The following RIMOC1 variants were observed in gnomAD, a reference collection of about 807,000 sequenced individuals.
The protein encoded by RIMOC1 is RAB7A-interacting MON1-CCZ1 complex subunit 1.
chr5:41,916,677 G>A, the RIMOC1 span, among the ~76,000 whole-genome samples: 1 of 152,122 alleles, frequency 6.6e-6, no homozygotes, highest in East Asian at 1.9e-4. Context: ...AGAATTTGGG[G>A]TGTATATTCT....
chr5:41,914,456 CAAACAAAACAAAACAAAACAAAACA>C, the RIMOC1 span, among the ~76,000 whole-genome samples: 2 of 146,488 alleles, frequency 1.4e-5, no homozygotes, highest in African/African-American at 2.5e-5. Context: ...GACTCTGTCT[CAAACAAAACAAAACAAAACAAAACA>C]AAACAAAACA....
chr5:41,908,686 G>C, the RIMOC1 span, among the ~76,000 whole-genome samples: 11 of 151,980 alleles, frequency 7.2e-5, no homozygotes, highest in African/African-American at 2.2e-4. Context: ...TTTTCTTTCT[G>C]TTCAGAAGAC....
chr5:41,917,464 T>G, the RIMOC1 span: 1 of 1,345,378 alleles, frequency 7.4e-7, no homozygotes. Context: ...TCTTTTTCAT[T>G]ATATATTAGT....
At chr5:41,911,941 A>C in the RIMOC1 span, 1 of 664,704 alleles carries the variant, frequency 1.5e-6, no homozygotes, top group Non-Finnish European at 2.7e-6. Context: ...TTGAAATAGA[A>C]TAGCTGTAAG....
At chr5:41,909,945 C>T in the RIMOC1 span, 33 of 1,397,796 alleles carry the variant, frequency 2.4e-5, no homozygotes, top group African/African-American at 4.8e-4. Flanking sequence ...TACTTGCTGT[C>T]CTGCTTTTTG....
the RIMOC1 span, among the ~76,000 whole-genome samples, chr5:41,910,757 G>C: frequency 6.6e-6 from 1 of 152,030 alleles, no homozygotes; most frequent in Non-Finnish European, 1.5e-5. Context: ...TTTTTAATGA[G>C]ATGATGACTG....
At chr5:41,906,853 A>G in the RIMOC1 span, among the ~76,000 whole-genome samples, 6 of 152,218 alleles carry the variant, frequency 3.9e-5, no homozygotes, top group African/African-American at 1.4e-4. Context: ...TCATTGGCCC[A>G]TGAAGAAGAA....
chr5:41,918,427 C>T, the RIMOC1 span: 3 of 985,556 alleles, frequency 3.0e-6, no homozygotes, highest in African/African-American at 3.5e-5. Context: ...ACTGTCAGCC[C>T]CTTTCAGGCT....
the RIMOC1 span, among the ~76,000 whole-genome samples, chr5:41,910,562 AT>A: frequency 3.3e-5 from 5 of 151,724 alleles, no homozygotes; most frequent in East Asian, 5.8e-4. Context: ...ACTTAGATAT[AT>A]TTTTTTTCTC....
At chr5:41,916,475 C>T in the RIMOC1 span, 5 of 962,510 alleles carry the variant, frequency 5.2e-6, no homozygotes, top group African/African-American at 8.8e-5. Context: ...GGAAATAACA[C>T]CTTTAATAAT....
the RIMOC1 span, chr5:41,909,649 G>T: frequency 1.3e-6 from 1 of 741,912 alleles, no homozygotes; most frequent in Non-Finnish European, 2.0e-6. Flanking sequence ...ATTTAAATGT[G>T]TAATAAAGCA....
the RIMOC1 span, chr5:41,908,466 A>T: frequency 6.6e-6 from 1 of 152,222 alleles, no homozygotes; most frequent in African/African-American, 2.4e-5. Flanking sequence ...TTGCTAAGGG[A>T]TAATAAAACT....
chr5:41,910,060 TATC>T, the RIMOC1 span, among the ~76,000 whole-genome samples: 1 of 152,084 alleles, frequency 6.6e-6, no homozygotes, highest in South Asian at 2.1e-4. Flanking sequence ...GCAACAAAAG[TATC>T]ATATTTTACT....
At chr5:41,916,378 A>C in the RIMOC1 span, 1 of 897,784 alleles carries the variant, frequency 1.1e-6, no homozygotes, top group Non-Finnish European at 1.3e-6. Flanking sequence ...TGCCTACTGG[A>C]AAAACTACCC....
chr5:41,915,528 GA>G, the RIMOC1 span, among the ~76,000 whole-genome samples: 1 of 152,180 alleles, frequency 6.6e-6, no homozygotes, highest in African/African-American at 2.4e-5. Context: ...AGACTGGGAA[GA>G]AAAAATAGGT....
chr5:41,918,052 G>GT, the RIMOC1 span: 1 of 985,122 alleles, frequency 1.0e-6, no homozygotes, highest in African/African-American at 1.7e-5. Flanking sequence ...AAATTTTAAT[G>GT]TTTTTTGCCT....
chr5:41,908,683 T>C, the RIMOC1 span, among the ~76,000 whole-genome samples: 62 of 152,302 alleles, frequency 4.1e-4, no homozygotes, highest in Non-Finnish European at 7.6e-4. Context: ...TGGTTTTCTT[T>C]CTGTTCAGAA....
chr5:41,918,818 G>A, the RIMOC1 span: 17 of 935,014 alleles, frequency 1.8e-5, no homozygotes, highest in Non-Finnish European at 2.0e-5. Flanking sequence ...AGGTCAACTT[G>A]TATTTACCAA....
At chr5:41,906,997 C>T in the RIMOC1 span, among the ~76,000 whole-genome samples, 12 of 151,832 alleles carry the variant, frequency 7.9e-5, no homozygotes, top group African/African-American at 2.7e-4. Context: ...GTGGATAGTA[C>T]CTTGAAGTGG....
Sources: gnomAD v4.1 joint callset for allele counts (sites outside exome capture counted in the v4.1 genomes callset) on GRCh38, gnomAD v4.1.1 for gene constraint, MANE v1.5 for transcripts, NCBI Gene and HGNC (gene_info 2026-07-23, HGNC 2026-07-21) for gene names.